The following PCED1B variants were observed in gnomAD, a reference collection of about 807,000 sequenced individuals.
PCED1B encodes PC-esterase domain-containing protein 1B.
For missense variants in PCED1B, 573 were observed against 573.9 expected, an observed-to-expected ratio of 1.00 and a Z score of 0.02; for synonymous variants, 251 against 246.1, an observed-to-expected ratio of 1.02 and a Z score of -0.19.
At chr12:47,113,690 AT>A (rs796786223) in intron 2 of PCED1B, among the ~76,000 whole-genome samples, 311 of 147,822 alleles carry the variant, frequency 2.1e-3, no homozygotes, top group East Asian at 6.3e-3. Context: ...CCAAAATGCA[AT>A]TTTTTTTTTT....
At chr12:47,135,601 G>A in intron 2 of PCED1B, 1 of 501,628 alleles carries the variant, frequency 2.0e-6, no homozygotes, top group Non-Finnish European at 4.0e-6. Context: ...ACAGGCCTGG[G>A]CCCCAGTCAG....
chr12:47,161,185 C>T (rs1289207973), intron 2 of PCED1B, among the ~76,000 whole-genome samples: 1 of 152,172 alleles, frequency 6.6e-6, no homozygotes, highest in Non-Finnish European at 1.5e-5. Context: ...GTTATAGCAA[C>T]ACAAAGCAGT....
At chr12:47,095,001 G>A (rs1938425651) in intron 1 of PCED1B, among the ~76,000 whole-genome samples, 1 of 150,800 alleles carries the variant, frequency 6.6e-6, no homozygotes, top group South Asian at 2.1e-4. Flanking sequence ...CAACCTCCTG[G>A]GCTCAAGCAA....
At position 47,216,616 on chromosome 12, in the gene PCED1B, G is replaced by A. The variant is rs975842150; in HGVS notation, c.-131G>A. 6.6e-6 allele frequency: 1 copy of A among 152,196 alleles called. No homozygotes were observed. The highest frequency in any genetic ancestry group is 1.5e-5 in the Non-Finnish European group (1 of 68,046). 9.4% of individuals were successfully genotyped at this position (152,196 alleles called of 1,614,324 possible). On this transcript the variant is annotated 5_prime_UTR_variant, in exon 3 of 4. Coordinates refer to ENST00000546455, the MANE Select transcript of PCED1B (RefSeq NM_138371.3). Reference sequence around the variant, plus strand: ...CTGGTCACAATGATCTACAGGAGAGGAAGAAAGCTATCTAGGGACGAGATC... The same window carrying A: ...CTGGTCACAATGATCTACAGGAGAGAAAGAAAGCTATCTAGGGACGAGATC...
intron 3 of PCED1B, among the ~76,000 whole-genome samples, chr12:47,232,855 C>T (rs1349617060): frequency 6.6e-6 from 1 of 152,008 alleles, no homozygotes; most frequent in Non-Finnish European, 1.5e-5. Flanking sequence ...AAAGCACATA[C>T]TTTTATTTAT....
Position 47,234,177 on chromosome 12 carries a change from G to C in PCED1B, c.-57-830G>C, listed in dbSNP as rs556200682. Among the ~76,000 whole-genome samples, 176 of 152,148 alleles carry C rather than the reference G, an allele frequency of 1.2e-3. 1 individual carries two copies. The highest frequency in any genetic ancestry group is 3.6e-3 in the African/African-American group (149 of 41,524). On this transcript the variant is annotated intron_variant, in intron 3 of 3. Transcript: ENST00000546455. ...CTAATTTTGAATTTTTAGTAGAGACGGGGTTTCTCCGTGTTGGTCAGGCTG... is the reference window on the plus strand; with the variant it reads ...CTAATTTTGAATTTTTAGTAGAGACCGGGTTTCTCCGTGTTGGTCAGGCTG...
At chr12:47,142,660 A>G (rs894890927) in intron 2 of PCED1B, among the ~76,000 whole-genome samples, 2 of 152,176 alleles carry the variant, frequency 1.3e-5, no homozygotes, top group Admixed American at 1.3e-4. Context: ...GCTGAGGAAT[A>G]TAATGACAGA....
intron 2 of PCED1B, among the ~76,000 whole-genome samples, chr12:47,198,819 A>G (rs1942682922): frequency 1.3e-5 from 2 of 152,102 alleles, no homozygotes; most frequent in African/African-American, 4.8e-5. Flanking sequence ...ACAAAAAATT[A>G]GCCAGACATG....
chr12:47,138,495 A>C (rs1410788379), intron 2 of PCED1B: 2 of 152,138 alleles, frequency 1.3e-5, no homozygotes, highest in Non-Finnish European at 2.9e-5. Flanking sequence ...TGACTTCCTA[A>C]CTTTCAGTAG....
chr12:47,167,913 A>G (rs1941597414), intron 2 of PCED1B, among the ~76,000 whole-genome samples: 1 of 152,170 alleles, frequency 6.6e-6, no homozygotes, highest in Admixed American at 6.5e-5. Flanking sequence ...ACCAGCTGCC[A>G]GAGGAGGCAG....
chr12:47,107,399 T>A (rs1939002968), intron 2 of PCED1B, among the ~76,000 whole-genome samples: 1 of 152,176 alleles, frequency 6.6e-6, no homozygotes, highest in Non-Finnish European at 1.5e-5. Context: ...TCTCTCTTGT[T>A]CTCCATGGGA....
intron 1 of PCED1B, among the ~76,000 whole-genome samples, chr12:47,100,857 C>T (rs1413529363): frequency 6.6e-6 from 1 of 152,054 alleles, no homozygotes; most frequent in Non-Finnish European, 1.5e-5. Context: ...CATCTGAGAT[C>T]AGGAGTTCGA....
intron 2 of PCED1B, among the ~76,000 whole-genome samples, chr12:47,180,522 T>A (rs2137599224): frequency 6.6e-6 from 1 of 152,210 alleles, no homozygotes. Flanking sequence ...AAAAACCATT[T>A]GGGACATAGG....
At chr12:47,205,462 A>G (rs1436016957) in intron 2 of PCED1B, among the ~76,000 whole-genome samples, 1 of 152,188 alleles carries the variant, frequency 6.6e-6, no homozygotes, top group Non-Finnish European at 1.5e-5. Flanking sequence ...AAGACAGTGT[A>G]GTCTTCAGGT....
intron 2 of PCED1B, among the ~76,000 whole-genome samples, chr12:47,214,146 G>A (rs832725): frequency 0.052 from 7,845 of 152,064 alleles, 263 homozygotes; most frequent in African/African-American, 0.088. Context: ...TAAATTTCCC[G>A]GTAATGACTG....
At chr12:47,172,243 T>G (rs1316694167) in intron 2 of PCED1B, among the ~76,000 whole-genome samples, 1 of 152,174 alleles carries the variant, frequency 6.6e-6, no homozygotes, top group Non-Finnish European at 1.5e-5. Flanking sequence ...TTGAGATACT[T>G]CTTCCAATTG....
chr12:47,130,135 G>A (rs1940062277), intron 2 of PCED1B, among the ~76,000 whole-genome samples: 1 of 152,032 alleles, frequency 6.6e-6, no homozygotes, highest in African/African-American at 2.4e-5. Context: ...TGAGTTGTAG[G>A]AACACAAAAA....
At chr12:47,171,373 T>C (rs1941729247) in intron 2 of PCED1B, among the ~76,000 whole-genome samples, 2 of 152,172 alleles carry the variant, frequency 1.3e-5, no homozygotes. Flanking sequence ...GGCCCTATTC[T>C]ACTTTCAAAT....
chr12:47,115,273 C>T (rs1939366950), intron 2 of PCED1B, among the ~76,000 whole-genome samples: 1 of 152,110 alleles, frequency 6.6e-6, no homozygotes, highest in Non-Finnish European at 1.5e-5. Flanking sequence ...CCTTTATTTT[C>T]TGCCCAAACG....
Sources: allele counts gnomAD v4.1 joint callset (sites outside exome capture counted in the v4.1 genomes callset), GRCh38; gene constraint gnomAD v4.1.1; transcripts MANE v1.5; gene names NCBI Gene and HGNC (gene_info 2026-07-23, HGNC 2026-07-21).